WDPCP: variants seen among roughly 807,000 people sequenced by gnomAD.
WDPCP encodes WD repeat-containing and planar cell polarity effector protein fritz homolog.
A neutral mutation model predicts 93.1 loss-of-function variants in WDPCP; 71 were observed. The ratio of observed to expected loss-of-function variants is 0.76; its 90% confidence interval spans 0.63 to 0.93. WDPCP has a LOEUF of 0.93. Ranked by LOEUF, WDPCP falls within the 40% of genes least tolerant of loss-of-function variation. The pLI, the probability that WDPCP is intolerant of heterozygous loss-of-function variation, is 0.00. For missense variants in WDPCP, 844 were observed against 887.4 expected, an observed-to-expected ratio of 0.95 and a Z score of 0.62; for synonymous variants, 315 against 315.0, an observed-to-expected ratio of 1.00 and a Z score of 0.00.
chr2:63,801,198 C>A (rs1460656441), intron 2 of WDPCP, among the ~76,000 whole-genome samples: 1 of 152,162 alleles, frequency 6.6e-6, no homozygotes, highest in Non-Finnish European at 1.5e-5. Flanking sequence ...TCAGCTGGGG[C>A]AGGAATCATA....
intron 1 of WDPCP, among the ~76,000 whole-genome samples, chr2:63,567,864 T>C (rs1051150019): frequency 1.3e-5 from 2 of 152,224 alleles, no homozygotes; most frequent in Non-Finnish European, 1.5e-5. Flanking sequence ...CCAGTAGATA[T>C]TAAACTCATT....
At chr2:63,502,903 G>C (rs571863377) in intron 1 of WDPCP, among the ~76,000 whole-genome samples, 1 of 152,222 alleles carries the variant, frequency 6.6e-6, no homozygotes, top group South Asian at 2.1e-4. Flanking sequence ...GCTAACCACT[G>C]GTCAGATGAT....
intron 3 of WDPCP, chr2:63,594,430 T>C (rs945636285): frequency 1.7e-5 from 21 of 1,230,178 alleles, no homozygotes; most frequent in Non-Finnish European, 2.5e-5. Context: ...ATTAAAATCC[T>C]GGATATTTTT....
At chr2:63,426,169 T>A (rs1378426891) in intron 9 of WDPCP, among the ~76,000 whole-genome samples, 3 of 152,138 alleles carry the variant, frequency 2.0e-5, no homozygotes, top group Non-Finnish European at 2.9e-5. Context: ...TGAAACCCCA[T>A]TTCTACTAAA....
chr2:63,580,364 C>G (rs1225421396), intron 1 of WDPCP, among the ~76,000 whole-genome samples: 2 of 152,204 alleles, frequency 1.3e-5, no homozygotes, highest in East Asian at 3.9e-4. Context: ...TATGTCCCCA[C>G]TGATTATTAA....
intron 9 of WDPCP, among the ~76,000 whole-genome samples, chr2:63,409,417 C>T (rs542846637): frequency 1.3e-5 from 2 of 152,312 alleles, no homozygotes; most frequent in African/African-American, 4.8e-5. Flanking sequence ...AACCCTAGAC[C>T]TTCCGTCTGA....
intron 14 of WDPCP, chr2:63,229,024 G>C (rs1197218390): frequency 2.6e-5 from 4 of 152,120 alleles, no homozygotes; most frequent in African/African-American, 9.7e-5. Flanking sequence ...TTCCACAATG[G>C]TTGAACTAGT....
In WDPCP at chr2:63,515,166, T is replaced by C. The variant is rs541616461; in HGVS notation, c.76-22226A>G. Among the ~76,000 whole-genome samples the C allele has an allele frequency of 6.6e-5, 10 of 152,268 alleles. No individual in the cohort carries two copies. In the South Asian group the frequency reaches 1.9e-3, roughly 28 times the overall value. Reference sequence around the variant, plus strand: ...TAAAATATTTTAATATATTTATAAATTAAAAGCTTTACAGTAAGCTATACC... The same window carrying C: ...TAAAATATTTTAATATATTTATAAACTAAAAGCTTTACAGTAAGCTATACC... On this transcript the variant is annotated intron_variant, in intron 1 of 17. Coordinates refer to ENST00000272321, the MANE Select transcript of WDPCP (RefSeq NM_015910.7).
rs190859015 is a variant in WDPCP, at chr2:63,256,766, T to G, written c.1915+2541A>C. ...TATACAGCAAGAAGAGTGGAAGAATTATAACTATATGCAACATACGAAAGA... is the reference window on the plus strand; with the variant it reads ...TATACAGCAAGAAGAGTGGAAGAATGATAACTATATGCAACATACGAAAGA... On this transcript the variant is annotated intron_variant, in intron 14 of 17. Coordinates refer to ENST00000272321, the MANE Select transcript of WDPCP (RefSeq NM_015910.7). Among the ~76,000 whole-genome samples the G allele has an allele frequency of 3.9e-5, 6 of 152,294 alleles. No individual in the cohort carries two copies. In the East Asian group the frequency reaches 1.2e-3, roughly 29 times the overall value.
At chr2:63,148,944 A>G (rs1311636018) in intron 17 of WDPCP, among the ~76,000 whole-genome samples, 1 of 152,132 alleles carries the variant, frequency 6.6e-6, no homozygotes, top group Non-Finnish European at 1.5e-5. Flanking sequence ...CTTTAATAAA[A>G]GGAGATTATC....
chr2:63,334,661 T>G (rs536229937), intron 12 of WDPCP, among the ~76,000 whole-genome samples: 21 of 152,148 alleles, frequency 1.4e-4, no homozygotes, highest in Non-Finnish European at 1.5e-5. Context: ...CTTAGTGAGT[T>G]TGGGGCCCCA....
chr2:63,297,263 T>C (rs1473467473), intron 13 of WDPCP, among the ~76,000 whole-genome samples: 1 of 152,174 alleles, frequency 6.6e-6, no homozygotes, highest in African/African-American at 2.4e-5. Flanking sequence ...TAATCCCCGG[T>C]ACAGCCTGCA....
chr2:63,713,004 TCATTCTCTGGCAACGCTGC>T lies in WDPCP; in HGVS notation n.309-62185_309-62167del, dbSNP rs536385694. 2.0e-5 allele frequency among the ~76,000 whole-genome samples: 3 copies of T among 152,322 alleles called. No homozygotes were observed. In the East Asian group the frequency reaches 5.8e-4, roughly 29 times the overall value. On this transcript the variant is annotated intron_variant and non_coding_transcript_variant, in intron 2 of 4. Transcript: ENST00000467687. ...GGGCTAGCCAGGGTTCTCTAAGGAT[TCATTCTCTGGCAACGCTGC>T]CACTCAGACTGTAACAGCTTTGTAA...
At chr2:63,491,562 C>T (rs944378307) in intron 2 of WDPCP, among the ~76,000 whole-genome samples, 4 of 152,182 alleles carry the variant, frequency 2.6e-5, no homozygotes, top group Non-Finnish European at 5.9e-5. Flanking sequence ...TTCTCAGAAC[C>T]AAGTGGGATT....
At chr2:63,691,563 G>C (rs1359469685) in intron 2 of WDPCP, among the ~76,000 whole-genome samples, 2 of 151,950 alleles carry the variant, frequency 1.3e-5, no homozygotes, top group Non-Finnish European at 2.9e-5. Context: ...TGAACCTGGG[G>C]GGCGGAGGTT....
intron 6 of WDPCP, among the ~76,000 whole-genome samples, chr2:63,458,703 A>G (rs1379082757): frequency 6.6e-6 from 1 of 152,158 alleles, no homozygotes; most frequent in Non-Finnish European, 1.5e-5. Context: ...TACCCATGCC[A>G]CTTTTCACAG....
chr2:63,246,508 T>C (rs1405528170), intron 14 of WDPCP, among the ~76,000 whole-genome samples: 2 of 152,154 alleles, frequency 1.3e-5, no homozygotes, highest in Non-Finnish European at 2.9e-5. Context: ...GAAGAGTAAA[T>C]ATAAAAACAC....
chr2:63,259,850 T>G (rs977864310), intron 13 of WDPCP, among the ~76,000 whole-genome samples: 4 of 152,230 alleles, frequency 2.6e-5, no homozygotes, highest in African/African-American at 9.6e-5. Flanking sequence ...ACTAGTATTT[T>G]GAACTCAAAT....
intron 12 of WDPCP, among the ~76,000 whole-genome samples, chr2:63,314,930 T>C (rs1351685325): frequency 6.6e-6 from 1 of 152,152 alleles, no homozygotes; most frequent in Non-Finnish European, 1.5e-5. Flanking sequence ...AGTTAGGATG[T>C]GCTCTTCTTT....
Sources: allele counts gnomAD v4.1 joint callset (sites outside exome capture counted in the v4.1 genomes callset), GRCh38; gene constraint gnomAD v4.1.1; transcripts MANE v1.5; gene names NCBI Gene and HGNC (gene_info 2026-07-23, HGNC 2026-07-21).